PPP1R13L: variants seen among roughly 807,000 people sequenced by gnomAD.
PPP1R13L encodes relA-associated inhibitor.
PPP1R13L carries 50 observed loss-of-function variants against 80.9 expected under a neutral mutation model. That is an observed-to-expected ratio of 0.62 (90% CI 0.49 to 0.78). The LOEUF is 0.78. PPP1R13L is among the 30% of genes least tolerant of loss of function. The pLI, the probability that PPP1R13L is intolerant of heterozygous loss-of-function variation, is 0.00. For synonymous variants in PPP1R13L, 602 were observed against 534.3 expected, an observed-to-expected ratio of 1.13 and a Z score of -1.75; for missense variants, 1,200 against 1,205.9, an observed-to-expected ratio of 1.00 and a Z score of 0.07.
At chr19:45,397,120 TGTGGGCGGGG>T in intron 3 of PPP1R13L, 62 bp from the exon 4 acceptor site, 4 of 1,219,918 alleles carry the variant, frequency 3.3e-6, no homozygotes, top group African/African-American at 1.6e-5. Context: ...AGGGTTGGTG[TGTGGGCGGGG>T]GTGTCAAGAG....
chr19:45,394,358 G>A (rs903452563), intron 7 of PPP1R13L, among the ~76,000 whole-genome samples: 1 of 152,084 alleles, frequency 6.6e-6, no homozygotes. Flanking sequence ...GCCCAGGCTG[G>A]TCTTGAACTC....
Position 45,382,734 on chromosome 19 carries a change from A to G in PPP1R13L, c.2249-8T>C, listed in dbSNP as rs756430526. 92 of 1,613,600 alleles carry G rather than the reference A, an allele frequency of 5.7e-5. No homozygotes were observed. In the Middle Eastern group the frequency reaches 1.3e-3, roughly 23 times the overall value. ...CCATACTCTGCTCGACGTCTGAAAC[A>G]TGCCACGGAGGGGAAGGTGAGAGCC... On this transcript the variant is annotated splice_region_variant and splice_polypyrimidine_tract_variant and intron_variant, in intron 11 of 12. Transcript: ENST00000360957.
At chr19:45,386,012 C>T (rs1310525844) in intron 9 of PPP1R13L, 37 bp downstream of exon 9, 1 of 1,563,194 alleles carries the variant, frequency 6.4e-7, no homozygotes, top group South Asian at 1.2e-5. Context: ...ATCTGCGATG[C>T]CCCCGCCGTG....
chr19:45,385,844 G>T lies in PPP1R13L; in HGVS notation c.2061C>A (p.Asn687Lys). 1 of 1,611,282 alleles carries T rather than the reference G, an allele frequency of 6.2e-7. No individual in the cohort carries two copies. The change falls in exon 10 of 13, where the codon AAC (asparagine) becomes AAA (lysine). Residue 687 changes from asparagine to lysine, a missense_variant. By Grantham distance (94) the Asn-to-Lys change is moderately conservative. Transcript: ENST00000360957. ...DFLITAGANV[N>K]SPDSHGWTPL... ...CTCACCAGCCGTGGCTGTCGGGGGA[G>T]TTGACATTGGCACCCGCGGTGATGA...
intron 12 of PPP1R13L, among the ~76,000 whole-genome samples, chr19:45,380,647 GTC>G (rs1383387710): frequency 2.6e-5 from 4 of 152,086 alleles, no homozygotes; most frequent in African/African-American, 9.7e-5. Context: ...ACGAGACCCT[GTC>G]TCTACTAAAA....
Position 45,396,104 on chromosome 19 carries a change from C to T in PPP1R13L, c.903+64G>A. Reference sequence around the variant, plus strand: ...CCCCGAGGGGGAGACTGGCCTTGACCCCGCTCCCCCACCCCACTCCTCGAC... The same window carrying T: ...CCCCGAGGGGGAGACTGGCCTTGACTCCGCTCCCCCACCCCACTCCTCGAC... On this transcript the variant is annotated intron_variant, in intron 6 of 12. Transcript: ENST00000360957. The surrounding 1 kb of genome is among the most constrained non-coding windows in gnomAD (Gnocchi z 5.3). The T allele has an allele frequency of 3.9e-6, 6 of 1,521,886 alleles. No homozygotes were observed. Among genetic ancestry groups the T allele is most frequent in the Non-Finnish European group, 5.3e-6 (6 of 1,129,282 alleles). 94.3% of individuals were successfully genotyped at this position (1,521,886 alleles called of 1,614,324 possible).
chr19:45,384,625 G>A (rs965052123), intron 11 of PPP1R13L, among the ~76,000 whole-genome samples: 2 of 152,034 alleles, frequency 1.3e-5, no homozygotes, highest in Non-Finnish European at 2.9e-5. Flanking sequence ...GCCAAGGTGG[G>A]CAGATTGCCT....
chr19:45,380,014 T>TA lies in PPP1R13L; in HGVS notation c.*175dup. On this transcript the variant is annotated 3_prime_UTR_variant, in exon 13 of 13. Coordinates refer to ENST00000360957, the MANE Select transcript of PPP1R13L (RefSeq NM_006663.4). The stretch of plus-strand genomic sequence containing the variant: ...CAAGGCTAAGGCAGATTACTAAATT[T>TA]AAGGCTGGGGCCCTCCTTCTTCCCT... 1.4e-6 allele frequency: 1 copy of TA among 698,578 alleles called. No homozygotes were observed. Among genetic ancestry groups the TA allele is most frequent in the Non-Finnish European group, 2.4e-6 (1 of 415,886 alleles). The allele number at this position is 698,578 out of a possible 1,614,324, so 43.3% of individuals were successfully genotyped here.
At position 45,396,969 on chromosome 19, in the gene PPP1R13L, C is replaced by T. The variant is rs770492150; in HGVS notation, c.288G>A (p.Pro96=). ...TTGGGGCACTCTCTGATCGTCCGAA[C>T]GGGGTGTCTGCGCCGTCGGTGGCCG... ...RKAATDGADT[P]FGRSESAPTL... is the part of the protein sequence containing the mutation. Residue 96 remains proline (P), a synonymous_variant, in exon 4 of 13, where the codon CCG becomes CCA. Coordinates refer to ENST00000360957, the MANE Select transcript of PPP1R13L (RefSeq NM_006663.4). The surrounding 1 kb of genome is among the most constrained non-coding windows in gnomAD (Gnocchi z 5.3). 3 of 1,398,564 alleles carry T rather than the reference C, an allele frequency of 2.1e-6. No homozygotes were observed. The highest frequency in any genetic ancestry group is 5.5e-5 in the East Asian group (2 of 36,142). The allele number at this position is 1,398,564 out of a possible 1,614,324, so 86.6% of individuals were successfully genotyped here. A position where few individuals can be genotyped will look rare whatever the true frequency, so the allele number is the denominator to read the frequency against.
At chr19:45,392,405 A>G in intron 7 of PPP1R13L, 65 bp from the exon 8 acceptor site, 1 of 1,497,114 alleles carries the variant, frequency 6.7e-7, no homozygotes, top group Non-Finnish European at 9.3e-7. Flanking sequence ...CCCTCTCCAC[A>G]ACTTCCAGGG....
At chr19:45,380,269 C>T (rs772170900) in intron 12 of PPP1R13L, 41 bp from the exon 13 acceptor site, 24 of 1,610,760 alleles carry the variant, frequency 1.5e-5, no homozygotes, top group Non-Finnish European at 1.7e-5. Flanking sequence ...GAGCTCCCAC[C>T]TCCTCATCCC....
rs2123345679 is a variant in PPP1R13L, at chr19:45,382,628, C to T, written c.2347G>A (p.Glu783Lys). Residue 783 changes from glutamate to lysine, a missense_variant, in exon 12 of 13, where the codon GAG (glutamate) becomes AAG (lysine). By Grantham distance (56) the Glu-to-Lys change is moderately conservative (BLOSUM62 1). Transcript: ENST00000360957. The stretch of plus-strand genomic sequence containing the variant: ...TCCCTCCGCAGCACGGTGACCGACT[C>T]GCCCTCGCGGAAGGACAGCTCGTCC... ...FGDELSFREG[E>K]SVTVLRRDGP... The T allele has an allele frequency of 6.2e-7, 1 of 1,613,834 alleles. No homozygotes were observed. The highest frequency in any genetic ancestry group is 8.5e-7 in the Non-Finnish European group (1 of 1,180,036).
Position 45,396,977 on chromosome 19 carries a change from C to A in PPP1R13L, c.280G>T (p.Asp94Tyr). 7.2e-7 allele frequency: 1 copy of A among 1,389,656 alleles called. No homozygotes were observed. The highest frequency in any genetic ancestry group is 9.3e-7 in the Non-Finnish European group (1 of 1,071,448). 86.1% of individuals were successfully genotyped at this position (1,389,656 alleles called of 1,614,324 possible). A position where few individuals can be genotyped will look rare whatever the true frequency, so the allele number is the denominator to read the frequency against. Reference protein sequence around the residue: ...SPRKAATDGADTPFGRSESAP... With the variant: ...SPRKAATDGAYTPFGRSESAP... Reference sequence around the variant, plus strand: ...CTCTCTGATCGTCCGAACGGGGTGTCTGCGCCGTCGGTGGCCGCCTTCCGG... The same window carrying A: ...CTCTCTGATCGTCCGAACGGGGTGTATGCGCCGTCGGTGGCCGCCTTCCGG... Residue 94 changes from aspartate to tyrosine, a missense_variant, in exon 4 of 13, where the codon GAC (aspartate) becomes TAC (tyrosine). Physicochemically the swap from Asp to Tyr is radical, Grantham distance 160. Around this residue, in one of 5 missense-constraint regions of PPP1R13L, gnomAD observed 764 missense variants for 714.5 expected, o/e 1.07. Coordinates refer to ENST00000360957, the MANE Select transcript of PPP1R13L (RefSeq NM_006663.4). This position sits in a 1 kb window ranked among gnomAD's most constrained non-coding sequence, Gnocchi z 5.3.
intron 1 of PPP1R13L, among the ~76,000 whole-genome samples, chr19:45,401,815 G>C (rs1973238060): frequency 6.6e-6 from 1 of 151,982 alleles, no homozygotes; most frequent in African/African-American, 2.4e-5. Flanking sequence ...ATTCAAATCT[G>C]AGGGCCGGGC....
chr19:45,390,549 C>T (rs947997061), intron 8 of PPP1R13L, among the ~76,000 whole-genome samples: 1 of 152,142 alleles, frequency 6.6e-6, no homozygotes, highest in African/African-American at 2.4e-5. Context: ...CTTGATCTAT[C>T]GTGGCCCTTT....
intron 11 of PPP1R13L, among the ~76,000 whole-genome samples, chr19:45,384,392 G>A (rs534486033): frequency 3.0e-5 from 4 of 133,146 alleles, no homozygotes; most frequent in African/African-American, 8.8e-5. Context: ...AAAAGTTAGC[G>A]GGCCGTGGGG....
intron 2 of PPP1R13L, 37 bp downstream of exon 2, chr19:45,398,227 C>G: frequency 6.2e-7 from 1 of 1,613,264 alleles, no homozygotes; most frequent in Non-Finnish European, 8.5e-7. Context: ...CTGCCGAGGT[C>G]CCCGCCTCGC....
chr19:45,380,006 A>G lies in PPP1R13L; in HGVS notation c.*184T>C. The G allele has an allele frequency of 1.5e-6, 1 of 648,436 alleles. No homozygotes were observed. Among genetic ancestry groups the G allele is most frequent in the Non-Finnish European group, 2.7e-6 (1 of 377,190 alleles). The allele number at this position is 648,436 out of a possible 1,614,324, so 40.2% of individuals were successfully genotyped here. The stretch of plus-strand genomic sequence containing the variant: ...AGACCTCCCAAGGCTAAGGCAGATT[A>G]CTAAATTTAAGGCTGGGGCCCTCCT... On this transcript the variant is annotated 3_prime_UTR_variant, in exon 13 of 13. Coordinates refer to ENST00000360957, the MANE Select transcript of PPP1R13L (RefSeq NM_006663.4).
intron 7 of PPP1R13L, chr19:45,392,618 A>C: frequency 1.9e-6 from 1 of 536,444 alleles, no homozygotes; most frequent in Non-Finnish European, 3.4e-6. Flanking sequence ...CCATCTCCAC[A>C]TTACCGAAAG....
Sources: gnomAD v4.1 joint callset for allele counts (sites outside exome capture counted in the v4.1 genomes callset) on GRCh38, gnomAD v4.1.1 for gene constraint, gnomAD v4.1.1 regional missense constraint, Gnocchi (gnomAD v3.1) non-coding constraint, MANE v1.5 for transcripts, NCBI Gene and HGNC (gene_info 2026-07-23, HGNC 2026-07-21) for gene names.